The following KCNQ5 variants were observed in gnomAD, a reference collection of about 807,000 sequenced individuals.
The protein encoded by KCNQ5 is potassium voltage-gated channel subfamily KQT member 5.
Under a neutral mutation model 98.2 loss-of-function variants are expected in KCNQ5, and 30 were observed. That is an observed-to-expected ratio of 0.31 (90% confidence interval 0.23 to 0.41). The LOEUF is 0.41. Among genes scored for constraint, KCNQ5 ranks in the 10% least tolerant of loss-of-function variants. KCNQ5 has a pLI of 1.00. For synonymous variants in KCNQ5, 458 were observed against 449.4 expected (o/e 1.02, Z -0.24); for missense variants, 835 against 1,182.5 (o/e 0.71, Z 4.31).
intron 1 of KCNQ5, among the ~76,000 whole-genome samples, chr6:72,964,363 A>G (rs552008138): frequency 1.3e-5 from 2 of 152,318 alleles, no homozygotes; most frequent in South Asian, 4.1e-4. Flanking sequence ...AACAAGCCTC[A>G]TTACTCTCAA....
At chr6:72,747,032 A>G (rs1441742003) in intron 1 of KCNQ5, among the ~76,000 whole-genome samples, 1 of 152,120 alleles carries the variant, frequency 6.6e-6, no homozygotes. Context: ...TAATCCTTAT[A>G]TTTATGTTCT....
At chr6:72,799,437 A>C (rs746741548) in intron 1 of KCNQ5, among the ~76,000 whole-genome samples, 6 of 152,156 alleles carry the variant, frequency 3.9e-5, no homozygotes, top group Non-Finnish European at 7.4e-5. Context: ...GACACATAAA[A>C]CTTGTCCTCA....
intron 1 of KCNQ5, among the ~76,000 whole-genome samples, chr6:72,892,946 A>G (rs928615093): frequency 6.0e-4 from 91 of 152,308 alleles, no homozygotes; most frequent in Middle Eastern, 3.4e-3. Context: ...AGTCCCTGTA[A>G]AGTTATAGTA....
At chr6:72,646,270 A>G (rs186645136) in intron 1 of KCNQ5, among the ~76,000 whole-genome samples, 2 of 152,202 alleles carry the variant, frequency 1.3e-5, no homozygotes, top group African/African-American at 4.8e-5. Flanking sequence ...TACATATATA[A>G]TGAAACTGTG....
chr6:72,970,255 T>C (rs1767817603), intron 1 of KCNQ5, among the ~76,000 whole-genome samples: 1 of 152,000 alleles, frequency 6.6e-6, no homozygotes, highest in Admixed American at 6.6e-5. Context: ...CAAGACCCCA[T>C]CTCTAAAAAT....
At chr6:73,023,271 G>T (rs1477851261) in intron 2 of KCNQ5, among the ~76,000 whole-genome samples, 1 of 152,198 alleles carries the variant, frequency 6.6e-6, no homozygotes, top group East Asian at 1.9e-4. Flanking sequence ...TGGTCAGATA[G>T]TGATGACATC....
intron 1 of KCNQ5, among the ~76,000 whole-genome samples, chr6:72,853,587 G>A (rs1384959295): frequency 1.3e-5 from 2 of 152,100 alleles, no homozygotes; most frequent in Admixed American, 1.3e-4. Flanking sequence ...CAAGTAATCT[G>A]CCCACCTCTT....
At position 72,680,310 on chromosome 6, in the gene KCNQ5, T is replaced by C. The variant is rs531970159; in HGVS notation, c.398+57723T>C. ...ATATGTGGCCCTTTGTGCCTTTTCT[T>C]TCACTTAATGTTTTCAAGGTACATT... On this transcript the variant is annotated intron_variant, in intron 1 of 13. Transcript: ENST00000370398. Among the ~76,000 whole-genome samples the C allele has an allele frequency of 1.6e-3, 241 of 152,340 alleles. 1 individual carries two copies. Among genetic ancestry groups the C allele is most frequent in the African/African-American group, 5.6e-3 (233 of 41,584 alleles).
intron 1 of KCNQ5, among the ~76,000 whole-genome samples, chr6:72,974,230 C>T (rs1768041594): frequency 6.6e-6 from 1 of 152,204 alleles, no homozygotes; most frequent in South Asian, 2.1e-4. Flanking sequence ...TGCTTTTGCA[C>T]TACAACTGCA....
chr6:73,004,130 G>A (rs1769716893), intron 2 of KCNQ5, 132 bp downstream of exon 2: 2 of 563,620 alleles, frequency 3.5e-6, no homozygotes, highest in Non-Finnish European at 6.3e-6. Flanking sequence ...AAATGTCAAA[G>A]ATTACTGAAA....
chr6:73,064,770 T>A (rs1562157162), intron 3 of KCNQ5, among the ~76,000 whole-genome samples: 1 of 152,170 alleles, frequency 6.6e-6, no homozygotes, highest in Non-Finnish European at 1.5e-5. Context: ...AAAATACACA[T>A]GACTTTTCAT....
chr6:72,808,929 G>C (rs1027419418), intron 1 of KCNQ5, among the ~76,000 whole-genome samples: 19 of 151,630 alleles, frequency 1.3e-4, no homozygotes, highest in Admixed American at 1.2e-3. Flanking sequence ...CTGCTATAAA[G>C]ACACATGCAC....
intron 1 of KCNQ5, among the ~76,000 whole-genome samples, chr6:72,676,695 T>C (rs1165802763): frequency 3.1e-5 from 4 of 128,670 alleles, no homozygotes; most frequent in African/African-American, 5.5e-5. Context: ...TTATATCTAT[T>C]TTTGCTTTTT....
chr6:72,665,781 A>G (rs552100671), intron 1 of KCNQ5, among the ~76,000 whole-genome samples: 19 of 152,136 alleles, frequency 1.2e-4, no homozygotes, highest in African/African-American at 4.6e-4. Flanking sequence ...TATAACGCAC[A>G]CTCTGTTGTC....
chr6:73,192,188 C>T (rs531267746), intron 12 of KCNQ5, among the ~76,000 whole-genome samples: 2 of 152,292 alleles, frequency 1.3e-5, no homozygotes, highest in South Asian at 2.1e-4. Flanking sequence ...CACACATGTA[C>T]AATAGATGCT....
intron 8 of KCNQ5, 22 bp downstream of exon 8, chr6:73,120,599 G>T: frequency 6.6e-7 from 1 of 1,514,232 alleles, no homozygotes. Context: ...TGTGACAGCT[G>T]CCACTGTAGT....
chr6:72,697,801 GTTAA>G (rs1768578687), intron 1 of KCNQ5, among the ~76,000 whole-genome samples: 1 of 152,146 alleles, frequency 6.6e-6, no homozygotes, highest in African/African-American at 2.4e-5. Context: ...AAATGGATAT[GTTAA>G]TTAGCTTGAT....
intron 3 of KCNQ5, among the ~76,000 whole-genome samples, chr6:73,047,299 G>A (rs1473542297): frequency 1.3e-5 from 2 of 152,068 alleles, no homozygotes; most frequent in African/African-American, 4.8e-5. Flanking sequence ...ACCTATTGCT[G>A]CTCTCTAACC....
chr6:72,959,566 C>T (rs775223853), intron 1 of KCNQ5, among the ~76,000 whole-genome samples: 1 of 152,162 alleles, frequency 6.6e-6, no homozygotes, highest in East Asian at 1.9e-4. Flanking sequence ...TTTACTACAG[C>T]ATATCTGAGT....
Sources: allele counts gnomAD v4.1 joint callset (sites outside exome capture counted in the v4.1 genomes callset), GRCh38; gene constraint gnomAD v4.1.1; transcripts MANE v1.5; gene names NCBI Gene and HGNC (gene_info 2026-07-23, HGNC 2026-07-21).